The following GLIS3 variants were observed in gnomAD, a reference collection of about 807,000 sequenced individuals.
The protein encoded by GLIS3 is zinc finger protein GLIS3.
A neutral mutation model predicts 78.6 loss-of-function variants in GLIS3; 53 were observed. That is an observed-to-expected ratio of 0.67 (90% CI 0.54 to 0.85). The LOEUF is 0.85. GLIS3 is among the 40% of genes least tolerant of loss of function. The pLI, the probability that GLIS3 is intolerant of heterozygous loss-of-function variation, is 0.00. For missense variants in GLIS3, 1,703 were observed against 1,231.1 expected (o/e 1.38, Z -5.74); for synonymous variants, 684 against 509.9 (o/e 1.34, Z -4.60).
chr9:4,211,100 G>A (rs867890469), intron 2 of GLIS3, among the ~76,000 whole-genome samples: 1 of 152,182 alleles, frequency 6.6e-6, no homozygotes, highest in Non-Finnish European at 1.5e-5. Flanking sequence ...TTGAGCATCT[G>A]CACCATCCAC....
intron 7 of GLIS3, among the ~76,000 whole-genome samples, chr9:3,894,140 T>C (rs1339438528): frequency 6.6e-6 from 1 of 152,234 alleles, no homozygotes; most frequent in African/African-American, 2.4e-5. Flanking sequence ...AATTCCAAAA[T>C]TGTTCTGCTG....
intron 2 of GLIS3, among the ~76,000 whole-genome samples, chr9:4,345,176 C>T (rs945813742): frequency 2.0e-5 from 3 of 152,206 alleles, no homozygotes; most frequent in African/African-American, 4.8e-5. Context: ...TTTCCTGCCA[C>T]TGGGCCCCTG....
chr9:3,989,399 C>T (rs1820036986), intron 4 of GLIS3, among the ~76,000 whole-genome samples: 3 of 152,036 alleles, frequency 2.0e-5, no homozygotes, highest in Non-Finnish European at 2.9e-5. Context: ...GGATAATTAT[C>T]CAGAGAAATG....
At chr9:4,365,516 A>T in the GLIS3 span, among the ~76,000 whole-genome samples, 1 of 152,076 alleles carries the variant, frequency 6.6e-6, no homozygotes, top group Non-Finnish European at 1.5e-5. Context: ...AGATCATGCC[A>T]CTGCACTCCA....
At chr9:3,928,647 G>T (rs1044542117) in intron 6 of GLIS3, among the ~76,000 whole-genome samples, 1 of 152,144 alleles carries the variant, frequency 6.6e-6, no homozygotes, top group Non-Finnish European at 1.5e-5. Context: ...CCCTAATTTT[G>T]CCAGAAAGCA....
At chr9:4,095,867 A>G (rs1829896842) in intron 4 of GLIS3, among the ~76,000 whole-genome samples, 1 of 152,206 alleles carries the variant, frequency 6.6e-6, no homozygotes, top group South Asian at 2.1e-4. Context: ...TTTACAGGCT[A>G]GGAAACTGAC....
chr9:3,910,942 A>G (rs1419859542), intron 6 of GLIS3, among the ~76,000 whole-genome samples: 1 of 152,234 alleles, frequency 6.6e-6, no homozygotes, highest in Non-Finnish European at 1.5e-5. Context: ...TCAATGGCCT[A>G]CATGTAAATG....
At chr9:4,277,579 G>C (rs1024367105) in intron 2 of GLIS3, among the ~76,000 whole-genome samples, 1 of 151,864 alleles carries the variant, frequency 6.6e-6, no homozygotes, top group Non-Finnish European at 1.5e-5. Context: ...TTTTTTGTCT[G>C]ACCAACAATA....
chr9:3,881,062 A>G (rs568156872), intron 7 of GLIS3, among the ~76,000 whole-genome samples: 1 of 152,326 alleles, frequency 6.6e-6, no homozygotes, highest in African/African-American at 2.4e-5. Context: ...CTTATGAATC[A>G]CTAACCTCAT....
At chr9:4,387,980 G>T in the GLIS3 span, among the ~76,000 whole-genome samples, 1 of 152,132 alleles carries the variant, frequency 6.6e-6, no homozygotes, top group South Asian at 2.1e-4. Flanking sequence ...AAGAGTGAAG[G>T]CCTTCTGGCA....
chr9:3,942,440 A>T (rs907711533), intron 4 of GLIS3, among the ~76,000 whole-genome samples: 7 of 152,198 alleles, frequency 4.6e-5, no homozygotes, highest in Admixed American at 1.3e-4. Flanking sequence ...GGATCAGCAA[A>T]TACTTCTAAT....
intron 2 of GLIS3, among the ~76,000 whole-genome samples, chr9:4,243,583 C>T (rs1034993559): frequency 1.3e-5 from 2 of 152,088 alleles, no homozygotes; most frequent in African/African-American, 4.8e-5. Context: ...GGTTATTTTG[C>T]TTTGGGATAA....
intron 2 of GLIS3, among the ~76,000 whole-genome samples, chr9:4,257,717 GT>G (rs1825109899): frequency 6.6e-6 from 1 of 151,810 alleles, no homozygotes; most frequent in East Asian, 1.9e-4. Context: ...GGGACTACAG[GT>G]GCCTGCCACC....
intron 2 of GLIS3, among the ~76,000 whole-genome samples, chr9:4,240,759 G>A (rs1021527449): frequency 1.3e-5 from 2 of 152,078 alleles, no homozygotes; most frequent in African/African-American, 4.8e-5. Context: ...TGGATACTAG[G>A]CTTAATAGCT....
At chr9:4,047,643 G>C (rs1825362712) in intron 4 of GLIS3, among the ~76,000 whole-genome samples, 1 of 152,150 alleles carries the variant, frequency 6.6e-6, no homozygotes, top group African/African-American at 2.4e-5. Flanking sequence ...CTGACCTGAA[G>C]AAGCTCACAA....
chr9:4,394,366 A>AG, the GLIS3 span, among the ~76,000 whole-genome samples: 16 of 150,842 alleles, frequency 1.1e-4, no homozygotes, highest in African/African-American at 3.9e-4. Context: ...TTAAGCCCCT[A>AG]GCTCAAAGAT....
At chr9:3,984,567 G>A (rs978406633) in intron 4 of GLIS3, among the ~76,000 whole-genome samples, 1 of 152,130 alleles carries the variant, frequency 6.6e-6, no homozygotes. Context: ...TTTTACAGGT[G>A]GAAAGGACTT....
chr9:4,238,842 A>T (rs1453688702), intron 2 of GLIS3, among the ~76,000 whole-genome samples: 1 of 152,060 alleles, frequency 6.6e-6, no homozygotes, highest in Non-Finnish European at 1.5e-5. Flanking sequence ...TTTTGAAATG[A>T]CCAGCAGAGA....
chr9:4,458,317 G>C, the GLIS3 span, among the ~76,000 whole-genome samples: 1 of 152,204 alleles, frequency 6.6e-6, no homozygotes, highest in Non-Finnish European at 1.5e-5. Flanking sequence ...GTAGTGACAA[G>C]GCAAAGGTCT....
Sources: allele counts gnomAD v4.1 joint callset (sites outside exome capture counted in the v4.1 genomes callset), GRCh38; gene constraint gnomAD v4.1.1; transcripts MANE v1.5; gene names NCBI Gene and HGNC (gene_info 2026-07-23, HGNC 2026-07-21).